The following MEIS2 variants were observed in gnomAD, a reference collection of about 807,000 sequenced individuals.
MEIS2 encodes the protein Meis homeobox 2.
Under a neutral mutation model 58.6 loss-of-function variants are expected in MEIS2, and 9 were observed. The ratio of observed to expected loss-of-function variants is 0.15; its 90% CI spans 0.09 to 0.27. The LOEUF (loss-of-function observed/expected upper bound fraction) is 0.27. Ranked by LOEUF, MEIS2 falls within the 10% of genes least tolerant of loss-of-function variation. The probability of loss-of-function intolerance (pLI) is 1.00; values close to 1 mark genes in which losing one functional copy is unlikely to be tolerated. For synonymous variants in MEIS2, 221 were observed against 228.4 expected, an observed-to-expected ratio of 0.97 and a Z score of 0.29; for missense variants, 427 against 635.0, an observed-to-expected ratio of 0.67 and a Z score of 3.52.
chr15:37,082,362 G>C (rs180957625), intron 7 of MEIS2, among the ~76,000 whole-genome samples: 10 of 152,130 alleles, frequency 6.6e-5, no homozygotes, highest in Non-Finnish European at 1.2e-4. Context: ...AGAGTATTTT[G>C]TTTTTATTAA....
chr15:36,952,528 T>C (rs2141396549), intron 8 of MEIS2, among the ~76,000 whole-genome samples: 1 of 152,220 alleles, frequency 6.6e-6, no homozygotes, highest in South Asian at 2.1e-4. Context: ...TCTTGCTCAC[T>C]GTTCACTGTT....
intron 9 of MEIS2, among the ~76,000 whole-genome samples, chr15:36,919,069 A>G (rs1256235476): frequency 6.6e-6 from 1 of 151,810 alleles, no homozygotes; most frequent in East Asian, 1.9e-4. Context: ...AGTCCCAGCT[A>G]CTCTGCAGAC....
At chr15:37,006,343 GT>G (rs2060922696) in intron 8 of MEIS2, among the ~76,000 whole-genome samples, 1 of 152,298 alleles carries the variant, frequency 6.6e-6, no homozygotes, top group South Asian at 2.1e-4. Context: ...GATACAGAAT[GT>G]TTGGGTATCG....
At chr15:37,039,642 T>C (rs924087658) in intron 7 of MEIS2, among the ~76,000 whole-genome samples, 1 of 152,172 alleles carries the variant, frequency 6.6e-6, no homozygotes, top group Non-Finnish European at 1.5e-5. Context: ...TATAGCTAGA[T>C]TGAGCATCCT....
intron 8 of MEIS2, among the ~76,000 whole-genome samples, chr15:37,001,006 C>G (rs1384940246): frequency 6.6e-6 from 1 of 152,140 alleles, no homozygotes; most frequent in African/African-American, 2.4e-5. Flanking sequence ...TTCCTCACGA[C>G]CAAATTCATT....
chr15:37,038,811 G>A (rs752114487), intron 7 of MEIS2, among the ~76,000 whole-genome samples: 24 of 152,082 alleles, frequency 1.6e-4, no homozygotes, highest in Non-Finnish European at 3.4e-4. Flanking sequence ...CCGGAGTGTC[G>A]CCTGGACAAG....
chr15:37,038,626 C>G (rs1196398076), intron 7 of MEIS2, among the ~76,000 whole-genome samples: 1 of 152,202 alleles, frequency 6.6e-6, no homozygotes, highest in Non-Finnish European at 1.5e-5. Context: ...TAGAGCATGA[C>G]CCCGAAGTTG....
intron 9 of MEIS2, among the ~76,000 whole-genome samples, chr15:36,916,417 A>T (rs1175982583): frequency 2.9e-5 from 4 of 138,148 alleles, no homozygotes; most frequent in African/African-American, 1.1e-4. Context: ...ATGGAGCGAG[A>T]CTCCATCTCA....
chr15:37,090,980 C>T (rs1012909504), intron 6 of MEIS2, among the ~76,000 whole-genome samples: 15 of 152,154 alleles, frequency 9.9e-5, no homozygotes, highest in African/African-American at 3.4e-4. Context: ...ATCACCCCTG[C>T]ACCAGTGTTC....
intron 7 of MEIS2, among the ~76,000 whole-genome samples, chr15:37,057,012 A>T (rs1246586246): frequency 6.6e-6 from 1 of 152,208 alleles, no homozygotes; most frequent in African/African-American, 2.4e-5. Context: ...AATGAGTTGT[A>T]CTAATGACAA....
rs565691276 is a variant in MEIS2 at position 36,935,792 on chromosome 15, GT to G, written c.977+14531del. On this transcript the variant is annotated intron_variant, in intron 9 of 11. Transcript: ENST00000561208. ...AATCATTTTCCCCCTCTGTATCTCA[GT>G]TTTTTTTTTTAAATAAAATTAGAGT... Among the ~76,000 whole-genome samples the G allele has an allele frequency of 1.4e-3, 208 of 145,858 alleles. 1 individual carries two copies. The South Asian group carries it at 0.016, about 11-fold the overall frequency.
intron 9 of MEIS2, among the ~76,000 whole-genome samples, chr15:36,932,162 C>T (rs2058006304): frequency 6.6e-6 from 1 of 152,120 alleles, no homozygotes; most frequent in African/African-American, 2.4e-5. Context: ...CAGACTTAAT[C>T]GCTAATGACT....
rs73395432 is a variant in MEIS2, at chr15:37,069,608, T to C, written c.754+14163A>G. 4.3e-3 allele frequency among the ~76,000 whole-genome samples: 654 copies of C among 152,214 alleles called. 2 individuals are homozygous for C. Among genetic ancestry groups the C allele is most frequent in the African/African-American group, 0.013 (545 of 41,548 alleles). ...CCCCACACATTACTGAGGGGTAGAA[T>C]GTAGGAATGCAGAAGAGTTTCACCT... On this transcript the variant is annotated intron_variant, in intron 7 of 11. Transcript: ENST00000561208.
At chr15:36,979,308 A>T (rs1254549835) in intron 8 of MEIS2, among the ~76,000 whole-genome samples, 1 of 152,170 alleles carries the variant, frequency 6.6e-6, no homozygotes, top group Non-Finnish European at 1.5e-5. Context: ...CATATATTAC[A>T]TATATGCATA....
intron 8 of MEIS2, among the ~76,000 whole-genome samples, chr15:36,995,719 A>AAAAAAC (rs1309129854): frequency 2.1e-5 from 1 of 46,554 alleles, no homozygotes; most frequent in East Asian, 5.0e-4. Context: ...AAAAAAAAAA[A>AAAAAAC]AAAAAAAAAA....
intron 8 of MEIS2, among the ~76,000 whole-genome samples, chr15:36,994,764 T>G (rs369398336): frequency 4.6e-5 from 7 of 152,336 alleles, no homozygotes; most frequent in African/African-American, 1.7e-4. Context: ...TGCAAATACA[T>G]AGAACCATGA....
intron 7 of MEIS2, among the ~76,000 whole-genome samples, chr15:37,051,875 T>C (rs1010772087): frequency 6.6e-6 from 1 of 152,144 alleles, no homozygotes; most frequent in Non-Finnish European, 1.5e-5. Flanking sequence ...CATAAAGATG[T>C]AAGGTGGGTG....
At chr15:36,926,762 C>G (rs1462223211) in intron 9 of MEIS2, among the ~76,000 whole-genome samples, 2 of 152,202 alleles carry the variant, frequency 1.3e-5, no homozygotes, top group African/African-American at 4.8e-5. Flanking sequence ...AATTTACATC[C>G]TTTCTCTCTT....
At position 37,058,821 on chromosome 15, in the gene MEIS2, T is replaced by C. The variant is rs564551238; in HGVS notation, c.755-21862A>G. On this transcript the variant is annotated intron_variant, in intron 7 of 11. Coordinates refer to ENST00000561208, the MANE Select transcript of MEIS2 (RefSeq NM_170675.5). ...GGAAAAATAACTGCCAGAGGACATGTTGATTTCCTGCATTTCCAAAGAAAA... is the reference window on the plus strand; with the variant it reads ...GGAAAAATAACTGCCAGAGGACATGCTGATTTCCTGCATTTCCAAAGAAAA... Among the ~76,000 whole-genome samples, 104 of 152,350 alleles carry C rather than the reference T, an allele frequency of 6.8e-4. 1 individual carries two copies. Among genetic ancestry groups the C allele is most frequent in the African/African-American group, 2.3e-3 (94 of 41,570 alleles).
Sources: allele counts gnomAD v4.1 joint callset (sites outside exome capture counted in the v4.1 genomes callset), GRCh38; gene constraint gnomAD v4.1.1; transcripts MANE v1.5; gene names NCBI Gene and HGNC (gene_info 2026-07-23, HGNC 2026-07-21).